The following NPLOC4 variants were observed in gnomAD, a reference collection of about 807,000 sequenced individuals.
NPLOC4 encodes the protein NPL4 homolog, ubiquitin recognition factor.
A neutral mutation model predicts 80.6 loss-of-function variants in NPLOC4; 18 were observed. That is an observed-to-expected ratio of 0.22 (90% confidence interval 0.15 to 0.33). NPLOC4 has a LOEUF of 0.33. Among genes scored for constraint, NPLOC4 ranks in the 10% least tolerant of loss-of-function variants. NPLOC4 has a pLI of 1.00. For synonymous variants in NPLOC4, 313 were observed against 301.5 expected (o/e 1.04, Z -0.39); for missense variants, 540 against 786.1 (o/e 0.69, Z 3.74).
At chr17:81,616,181 G>A (rs1383490320) in intron 3 of NPLOC4, among the ~76,000 whole-genome samples, 1 of 151,512 alleles carries the variant, frequency 6.6e-6, no homozygotes, top group African/African-American at 2.4e-5. Flanking sequence ...ATTAGCCGGG[G>A]GTGGTGGCGG....
rs2033758123 is a variant in NPLOC4 at position 81,559,155 on chromosome 17, G to A, written c.*104C>T. On this transcript the variant is annotated 3_prime_UTR_variant, in exon 17 of 17. Transcript: ENST00000331134. The stretch of plus-strand genomic sequence containing the variant: ...GGACAGCCAGCCCCTTGTTCCTCCA[G>A]GGCTGCCCACTATGGGGCAGTTACA... The A allele has an allele frequency of 2.3e-6, 3 of 1,310,018 alleles. No homozygotes were observed. Among genetic ancestry groups the A allele is most frequent in the South Asian group, 3.0e-5 (2 of 66,528 alleles). The allele number at this position is 1,310,018 out of a possible 1,614,324, so 81.1% of individuals were successfully genotyped here. A position where few individuals can be genotyped will look rare whatever the true frequency, so the allele number is the denominator to read the frequency against.
At chr17:81,563,127 G>C (rs1260124385) in intron 16 of NPLOC4, 1 of 151,242 alleles carries the variant, frequency 6.6e-6, no homozygotes, top group East Asian at 1.9e-4. Context: ...CCAGGCTGGA[G>C]TACAGTGGCA....
At position 81,569,031 on chromosome 17, in the gene NPLOC4, T is replaced by A. The variant is rs1456102908; in HGVS notation, c.1434A>T (p.Val478=). Residue 478 remains valine, a synonymous_variant, in exon 14 of 17, where the codon GTA becomes GTT. Transcript: ENST00000331134. The stretch of plus-strand genomic sequence containing the variant: ...AAGAGCTCACCTGTGTCTCACCCAA[T>A]ACATCCCGGTTTTCAATAGGAAATG... ...QNPFPIENRD[V]LGETQDFHSL... The A allele has an allele frequency of 1.9e-6, 3 of 1,606,788 alleles. No individual in the cohort carries two copies. In the African/African-American group the frequency reaches 4.0e-5, roughly 21 times the overall value.
chr17:81,598,341 A>C (rs967193107), intron 9 of NPLOC4, among the ~76,000 whole-genome samples: 9 of 152,150 alleles, frequency 5.9e-5, no homozygotes, highest in African/African-American at 1.9e-4. Flanking sequence ...TCTGCCCAGC[A>C]CCATGCTGGG....
At chr17:81,616,056 C>T (rs1359559839) in intron 3 of NPLOC4, among the ~76,000 whole-genome samples, 2 of 151,930 alleles carry the variant, frequency 1.3e-5, no homozygotes, top group African/African-American at 4.8e-5. Context: ...TGGTGGCTCA[C>T]GCCTGTAATC....
chr17:81,616,497 G>A (rs905957835), intron 3 of NPLOC4, among the ~76,000 whole-genome samples: 9 of 152,018 alleles, frequency 5.9e-5, no homozygotes, highest in Admixed American at 2.0e-4. Context: ...TTGGGAGGCC[G>A]AGGCAGGAGG....
At chr17:81,606,154 A>C (rs2035197177) in intron 7 of NPLOC4, among the ~76,000 whole-genome samples, 1 of 152,132 alleles carries the variant, frequency 6.6e-6, no homozygotes, top group Non-Finnish European at 1.5e-5. Flanking sequence ...GAAAAAAGGA[A>C]TAGAGAATAG....
At chr17:81,603,085 CT>C (rs1001581598) in intron 8 of NPLOC4, among the ~76,000 whole-genome samples, 15 of 151,740 alleles carry the variant, frequency 9.9e-5, no homozygotes, top group Non-Finnish European at 2.1e-4. Flanking sequence ...AGGAGGATTG[CT>C]TGAGCCCAAG....
In NPLOC4 at chr17:81,619,561, A is replaced by AG. The variant is rs565420282; in HGVS notation, c.209+2604_209+2605insC. Among the ~76,000 whole-genome samples the AG allele has an allele frequency of 8.0e-5, 12 of 150,512 alleles. No individual in the cohort carries two copies. In the South Asian group the frequency reaches 2.5e-3, roughly 32 times the overall value. ...ATGAAACTCTGTCTCAAGAAAAAAA[A>AG]AAAAAAAGAAAGAAAAGAAAAGAAA... On this transcript the variant is annotated intron_variant, in intron 3 of 16. Transcript: ENST00000331134.
At chr17:81,618,773 G>A (rs2035582295) in intron 3 of NPLOC4, among the ~76,000 whole-genome samples, 1 of 151,988 alleles carries the variant, frequency 6.6e-6, no homozygotes, top group Non-Finnish European at 1.5e-5. Context: ...AGGGGGAAAG[G>A]TGGGGAAAAG....
At chr17:81,631,459 TTTTC>T (rs200774748) in intron 1 of NPLOC4, among the ~76,000 whole-genome samples, 22 of 66,974 alleles carry the variant, frequency 3.3e-4, no homozygotes, top group East Asian at 2.1e-3. Flanking sequence ...TTTTTTTTTT[TTTTC>T]CCCCACGGCA....
At chr17:81,619,641 G>A (rs1397877696) in intron 3 of NPLOC4, among the ~76,000 whole-genome samples, 2 of 152,020 alleles carry the variant, frequency 1.3e-5, no homozygotes, top group Non-Finnish European at 2.9e-5. Context: ...CACTTTGGGA[G>A]GCTGAGGCGG....
chr17:81,602,810 C>A (rs985021612), intron 8 of NPLOC4, among the ~76,000 whole-genome samples: 3 of 151,556 alleles, frequency 2.0e-5, no homozygotes, highest in African/African-American at 7.3e-5. Flanking sequence ...TAGGCTGAGG[C>A]GAGTGAACTG....
chr17:81,615,100 C>CTTTCTTT (rs749807551), intron 3 of NPLOC4, among the ~76,000 whole-genome samples: 6,052 of 133,426 alleles, frequency 0.045, 392 homozygotes, highest in Admixed American at 0.13. Context: ...ACGTCTGTTT[C>CTTTCTTT]TTTTTTTTTT....
intron 12 of NPLOC4, among the ~76,000 whole-genome samples, chr17:81,579,555 T>G (rs964422967): frequency 6.6e-6 from 1 of 152,022 alleles, no homozygotes. Flanking sequence ...GTGAGCAAGC[T>G]GATCCCCAAA....
chr17:81,571,354 T>A (rs1350360913), intron 13 of NPLOC4, among the ~76,000 whole-genome samples: 1 of 152,198 alleles, frequency 6.6e-6, no homozygotes, highest in East Asian at 1.9e-4. Flanking sequence ...TGCTGCCCTG[T>A]GGCCAATGGT....
rs200779501 is a variant in NPLOC4 at position 81,581,373 on chromosome 17, A to G, written c.1281+7571T>C. Among the ~76,000 whole-genome samples the G allele has an allele frequency of 2.6e-3, 171 of 66,482 alleles. 26 individuals are homozygous for G. The highest frequency in any genetic ancestry group is 5.5e-3 in the Non-Finnish European group (131 of 24,034). 43.6% of individuals were successfully genotyped at this position (66,482 alleles called of 152,430 possible). ...CAAAAAAAAAAAAAAAAAAAAAAAA[A>G]AAAGTTAATAAAATCACCATGTCAC... On this transcript the variant is annotated intron_variant, in intron 12 of 16. Coordinates refer to ENST00000331134, the MANE Select transcript of NPLOC4 (RefSeq NM_017921.4).
Position 81,596,011 on chromosome 17 carries a change from AG to A in NPLOC4, c.1120+104del, listed in dbSNP as rs1246190219. 4 of 1,163,384 alleles carry A rather than the reference AG, an allele frequency of 3.4e-6. No individual in the cohort carries two copies. In the Admixed American group the frequency reaches 7.1e-5, roughly 21 times the overall value. The allele number at this position is 1,163,384 out of a possible 1,614,324, so 72.1% of individuals were successfully genotyped here. ...GAATTTATATCCCACAAGCCCAGTA[AG>A]AAAGTCCAGTATAACTAAGTTAAGG... is the stretch of plus-strand genomic sequence containing the variant. On this transcript the variant is annotated intron_variant, in intron 11 of 16. Transcript: ENST00000331134.
At chr17:81,598,120 G>T (rs2034969674) in intron 9 of NPLOC4, among the ~76,000 whole-genome samples, 1 of 147,576 alleles carries the variant, frequency 6.8e-6, no homozygotes, top group South Asian at 2.1e-4. Flanking sequence ...AAAAAAGATA[G>T]ATGATGAATG....
Sources: gnomAD v4.1 joint callset for allele counts (sites outside exome capture counted in the v4.1 genomes callset) on GRCh38, gnomAD v4.1.1 for gene constraint, MANE v1.5 for transcripts, NCBI Gene and HGNC (gene_info 2026-07-23, HGNC 2026-07-21) for gene names.